Variants in GABRA1 observed in about 807,000 individuals in gnomAD.
The protein encoded by GABRA1 is gamma-aminobutyric acid receptor subunit alpha-1.
GABRA1 carries 9 observed loss-of-function variants against 48.9 expected under a neutral mutation model. The observed-to-expected ratio is 0.18, with a 90% CI of 0.11 to 0.32. The LOEUF (loss-of-function observed/expected upper bound fraction) is 0.32. GABRA1 is among the 10% of genes least tolerant of loss of function. The pLI, the probability that GABRA1 is intolerant of heterozygous loss-of-function variation, is 1.00. For missense variants in GABRA1, 285 were observed against 553.8 expected (o/e 0.51, Z 4.87); for synonymous variants, 210 against 198.7 (o/e 1.06, Z -0.48).
Position 161,893,400 on chromosome 5 carries a change from A to G in GABRA1, c.857-2266A>G, listed in dbSNP as rs375951224. ...TTTTCTAGACTTTTAACCTTTTAAC[A>G]TTTATTTTGTACACATGTTTCTATG... On this transcript the variant is annotated intron_variant, in intron 8 of 9. Transcript: ENST00000393943. Among the ~76,000 whole-genome samples the G allele has an allele frequency of 2.4e-3, 366 of 152,252 alleles. 2 individuals carry two copies. Among genetic ancestry groups the G allele is most frequent in the African/African-American group, 8.2e-3 (341 of 41,548 alleles).
chr5:161,883,799 A>T (rs1210570633), intron 7 of GABRA1, among the ~76,000 whole-genome samples: 1 of 152,172 alleles, frequency 6.6e-6, no homozygotes, highest in African/African-American at 2.4e-5. Context: ...TTATTAGACA[A>T]GTTCTGACTA....
At chr5:161,854,007 A>C in intron 2 of GABRA1, 151 bp from the exon 3 acceptor site, 1 of 514,150 alleles carries the variant, frequency 1.9e-6, no homozygotes, top group Admixed American at 3.6e-5. Flanking sequence ...GAGTTTAAAA[A>C]TAACATTCCT....
At chr5:161,856,197 G>A (rs1004300114) in intron 3 of GABRA1, among the ~76,000 whole-genome samples, 1 of 151,364 alleles carries the variant, frequency 6.6e-6, no homozygotes, top group African/African-American at 2.4e-5. Flanking sequence ...AGATTAGACT[G>A]AGAGTATATT....
At chr5:161,891,075 G>T (rs367922970) in intron 8 of GABRA1, 25 bp downstream of exon 8, 5 of 1,607,962 alleles carry the variant, frequency 3.1e-6, no homozygotes, top group African/African-American at 2.7e-5. Context: ...AGATACATAC[G>T]CAAGGAAGGG....
chr5:161,850,330 A>G (rs1217680574), intron 1 of GABRA1: 4 of 300,090 alleles, frequency 1.3e-5, no homozygotes, highest in Non-Finnish European at 2.4e-5. Context: ...CAGCCATCAC[A>G]ACATGTTAAC....
chr5:161,869,542 G>T (rs1459068740), intron 4 of GABRA1, among the ~76,000 whole-genome samples: 1 of 152,182 alleles, frequency 6.6e-6, no homozygotes, highest in Non-Finnish European at 1.5e-5. Flanking sequence ...CAGGGCACTA[G>T]GTTCTGACAG....
At chr5:161,883,388 G>A (rs907060348) in intron 7 of GABRA1, among the ~76,000 whole-genome samples, 1 of 152,128 alleles carries the variant, frequency 6.6e-6, no homozygotes, top group Non-Finnish European at 1.5e-5. Context: ...AACTAGACCT[G>A]ACACTGTGGA....
rs564215168 is a variant in GABRA1, at chr5:161,899,292, T to C, written c.*1870T>C. 2.0e-5 allele frequency: 3 copies of C among 152,758 alleles called. No homozygotes were observed. In the East Asian group the frequency reaches 5.8e-4, roughly 29 times the overall value. The allele number at this position is 152,758 out of a possible 1,614,324, so 9.5% of individuals were successfully genotyped here. Reference sequence around the variant, plus strand: ...TTTTTAAATGTGCTTCATTGTTTGATTTGGTCCTGCCTAAATTTCACAAGC... The same window carrying C: ...TTTTTAAATGTGCTTCATTGTTTGACTTGGTCCTGCCTAAATTTCACAAGC... On this transcript the variant is annotated 3_prime_UTR_variant, in exon 10 of 10. Coordinates refer to ENST00000393943, the MANE Select transcript of GABRA1 (RefSeq NM_001127644.2).
chr5:161,874,230 G>A (rs916534429), intron 5 of GABRA1, among the ~76,000 whole-genome samples: 3 of 152,082 alleles, frequency 2.0e-5, no homozygotes, highest in Admixed American at 6.6e-5. Flanking sequence ...TTTGGAGAAA[G>A]CTGCCAGAAT....
At chr5:161,886,746 C>A (rs757858815) in intron 7 of GABRA1, among the ~76,000 whole-genome samples, 4 of 151,976 alleles carry the variant, frequency 2.6e-5, no homozygotes, top group Non-Finnish European at 5.9e-5. Context: ...CACTGCACTC[C>A]AACCTGGGTG....
intron 6 of GABRA1, among the ~76,000 whole-genome samples, chr5:161,879,155 C>T (rs1754498658): frequency 6.6e-6 from 1 of 152,162 alleles, no homozygotes; most frequent in Non-Finnish European, 1.5e-5. Context: ...GTTGCCCAGG[C>T]TGGAGTGCAG....
At chr5:161,866,499 T>C (rs1753857905) in intron 4 of GABRA1, among the ~76,000 whole-genome samples, 1 of 152,092 alleles carries the variant, frequency 6.6e-6, no homozygotes, top group Admixed American at 6.6e-5. Context: ...AAACATACCA[T>C]TATGAATATT....
chr5:161,866,719 A>AGAC (rs1753875252), intron 4 of GABRA1, among the ~76,000 whole-genome samples: 1 of 152,154 alleles, frequency 6.6e-6, no homozygotes, highest in Admixed American at 6.6e-5. Context: ...TATTTGCCCA[A>AGAC]GACCTTTTTT....
chr5:161,888,550 T>C (rs924184030), intron 7 of GABRA1, among the ~76,000 whole-genome samples: 2 of 152,196 alleles, frequency 1.3e-5, no homozygotes, highest in East Asian at 3.9e-4. Flanking sequence ...ATGGAATGTA[T>C]ACAGACACTC....
intron 7 of GABRA1, among the ~76,000 whole-genome samples, chr5:161,886,816 G>A (rs1754869093): frequency 6.6e-6 from 1 of 151,932 alleles, no homozygotes; most frequent in African/African-American, 2.4e-5. Flanking sequence ...AGTAAAGCTA[G>A]TGTAAGGGAA....
chr5:161,884,027 A>G (rs115248281), intron 7 of GABRA1, among the ~76,000 whole-genome samples: 2 of 152,240 alleles, frequency 1.3e-5, no homozygotes, highest in Non-Finnish European at 2.9e-5. Flanking sequence ...ACTTTGGGCA[A>G]GTCATTTGTT....
intron 7 of GABRA1, among the ~76,000 whole-genome samples, chr5:161,889,235 G>T (rs1294792804): frequency 6.6e-6 from 1 of 152,002 alleles, no homozygotes; most frequent in Non-Finnish European, 1.5e-5. Flanking sequence ...TTGAGGAGAA[G>T]TGTGAAGAAA....
intron 3 of GABRA1, among the ~76,000 whole-genome samples, chr5:161,856,818 C>G (rs967056435): frequency 6.6e-6 from 1 of 150,912 alleles, no homozygotes; most frequent in African/African-American, 2.4e-5. Context: ...GTTTAAAATA[C>G]TAAGTACAGT....
intron 3 of GABRA1, among the ~76,000 whole-genome samples, chr5:161,855,057 A>C (rs564665990): frequency 5.3e-5 from 8 of 151,702 alleles, no homozygotes; most frequent in Non-Finnish European, 8.9e-5. Context: ...TTTTCTTTCA[A>C]AGTCACACAG....
Sources: allele counts gnomAD v4.1 joint callset (sites outside exome capture counted in the v4.1 genomes callset), GRCh38; gene constraint gnomAD v4.1.1; transcripts MANE v1.5; gene names NCBI Gene and HGNC (gene_info 2026-07-23, HGNC 2026-07-21).